The following DYNC2H1 variants were observed in gnomAD, a reference collection of about 807,000 sequenced individuals.
DYNC2H1 encodes the protein cytoplasmic dynein 2 heavy chain 1.
In DYNC2H1, 410 loss-of-function variants were observed where a neutral mutation model predicts 570.0. The ratio of observed to expected loss-of-function variants is 0.72; its 90% CI spans 0.66 to 0.78. DYNC2H1 has a LOEUF of 0.78. Ranked by LOEUF, DYNC2H1 falls within the 30% of genes least tolerant of loss-of-function variation. The pLI is 0.00. For missense variants in DYNC2H1, 4,865 were observed against 5,046.4 expected (o/e 0.96, Z 1.09); for synonymous variants, 1,688 against 1,677.6 (o/e 1.01, Z -0.15).
intron 84 of DYNC2H1, among the ~76,000 whole-genome samples, chr11:103,433,548 G>A (rs896251002): frequency 4.6e-5 from 7 of 152,072 alleles, no homozygotes; most frequent in African/African-American, 1.7e-4. Flanking sequence ...TTACTCATGG[G>A]CTAGCTGTTA....
At chr11:103,476,198 A>G (rs1945541232) in intron 88 of DYNC2H1, among the ~76,000 whole-genome samples, 1 of 152,200 alleles carries the variant, frequency 6.6e-6, no homozygotes, top group South Asian at 2.1e-4. Context: ...GAGGGAAGAG[A>G]TTAGTCAGTG....
In DYNC2H1 at chr11:103,117,666, G is replaced by A; in HGVS notation, c.802G>A (p.Gly268Arg). The A allele has an allele frequency of 1.2e-6, 2 of 1,606,272 alleles. No individual in the cohort carries two copies. The highest frequency in any genetic ancestry group is 1.7e-6 in the Non-Finnish European group (2 of 1,175,638). ...TGGAAGGTTTGTTCAGAAAAAGTTGGGAACTTTGAACCTGTGGGAAGATCC... is the reference window on the plus strand; with the variant it reads ...TGGAAGGTTTGTTCAGAAAAAGTTGAGAACTTTGAACCTGTGGGAAGATCC... The part of the protein sequence containing the change: ...SFGRFVQKKL[G>R]TLNLWEDPYY... Residue 268 changes from glycine (G) to arginine (R), a missense_variant, in exon 6 of 89, where the codon GGA becomes AGA. Gly to Arg is a moderately radical substitution (Grantham distance 125). Around this residue, in one of 5 missense-constraint regions of DYNC2H1, gnomAD observed 1,936 missense variants for 1,962.1 expected, o/e 0.99. Transcript: ENST00000375735.
intron 84 of DYNC2H1, among the ~76,000 whole-genome samples, chr11:103,413,911 C>A (rs1225126538): frequency 6.6e-6 from 1 of 152,160 alleles, no homozygotes; most frequent in Non-Finnish European, 1.5e-5. Context: ...GAGATTTTAA[C>A]TTCCAGAGCT....
chr11:103,427,362 A>T (rs967420879), intron 84 of DYNC2H1, among the ~76,000 whole-genome samples: 2 of 152,180 alleles, frequency 1.3e-5, no homozygotes, highest in African/African-American at 4.8e-5. Flanking sequence ...AATGTTACAG[A>T]TTATCATTTT....
intron 70 of DYNC2H1, among the ~76,000 whole-genome samples, chr11:103,265,156 A>G (rs1310251056): frequency 6.6e-6 from 1 of 152,154 alleles, no homozygotes; most frequent in African/African-American, 2.4e-5. Flanking sequence ...GTAGGAGTTG[A>G]ACAATAAGAA....
Position 103,124,268 on chromosome 11 carries a change from G to A in DYNC2H1, c.1662-832G>A, listed in dbSNP as rs114103050. 5.8e-3 allele frequency among the ~76,000 whole-genome samples: 887 copies of A among 151,758 alleles called. 7 individuals are homozygous for A. Among genetic ancestry groups the A allele is most frequent in the African/African-American group, 0.02 (829 of 41,346 alleles). On this transcript the variant is annotated intron_variant, in intron 11 of 88. Transcript: ENST00000375735. The stretch of plus-strand genomic sequence containing the variant: ...TTGAGACCAGCCTGAGCAACATGGC[G>A]AAATCCTGTCTCTACAAAAGACAAA...
At chr11:103,191,444 G>A in intron 45 of DYNC2H1, 73 bp from the exon 46 acceptor site, 1 of 1,179,388 alleles carries the variant, frequency 8.5e-7, no homozygotes, top group Non-Finnish European at 1.2e-6. Flanking sequence ...TGAGTCTAAG[G>A]AGACTGAAAA....
At chr11:103,385,544 C>G (rs1591661076) in intron 83 of DYNC2H1, among the ~76,000 whole-genome samples, 1 of 152,080 alleles carries the variant, frequency 6.6e-6, no homozygotes, top group African/African-American at 2.4e-5. Context: ...GTTTATTGGT[C>G]TGATCAGAAA....
Position 103,116,690 on chromosome 11 carries a change from A to G in DYNC2H1, c.742A>G (p.Met248Val), listed in dbSNP as rs769610176. The change falls in exon 5 of 89, where the codon ATG (methionine) becomes GTG (valine). Residue 248 changes from methionine (M) to valine (V), a missense_variant. Met to Val is a conservative substitution (Grantham distance 21). This residue lies in a region of DYNC2H1 where 1,936 missense variants were observed against 1,962.1 expected (regional missense o/e 0.99). Coordinates refer to ENST00000375735, the MANE Select transcript of DYNC2H1 (RefSeq NM_001377.3). Reference protein sequence around the residue: ...TEHDHYPESRMLHLLDIIGGS... With the variant: ...TEHDHYPESRVLHLLDIIGGS... ...ACATGATCATTATCCTGAGTCACGA[A>G]TGTTGCATCTCTTAGACATCATAGG... 1.2e-6 allele frequency: 2 copies of G among 1,603,754 alleles called. No individual in the cohort carries two copies. Among genetic ancestry groups the G allele is most frequent in the African/African-American group, 1.3e-5 (1 of 74,700 alleles).
intron 87 of DYNC2H1, among the ~76,000 whole-genome samples, chr11:103,459,005 C>G (rs563306360): frequency 4.0e-5 from 6 of 151,654 alleles, no homozygotes; most frequent in East Asian, 4.0e-4. Flanking sequence ...TAACTTTATA[C>G]AACTAACTTA....
intron 25 of DYNC2H1, among the ~76,000 whole-genome samples, chr11:103,155,844 A>T (rs532172954): frequency 1.3e-5 from 2 of 152,236 alleles, no homozygotes; most frequent in South Asian, 4.2e-4. Context: ...AGGACTCTTG[A>T]TATCAAATTG....
chr11:103,117,894 T>C, intron 6 of DYNC2H1, 31 bp downstream of exon 6: 3 of 1,545,172 alleles, frequency 1.9e-6, no homozygotes, highest in Non-Finnish European at 2.6e-6. Context: ...ATCTTTGTCT[T>C]TAAATGTAAA....
In DYNC2H1 at chr11:103,168,909, ATGT is replaced by A. The variant is rs1323690605; in HGVS notation, c.4921_4923del (p.Cys1641del). 6.2e-7 allele frequency: 1 copy of A among 1,612,810 alleles called. No individual in the cohort carries two copies. The highest frequency in any genetic ancestry group is 8.5e-7 in the Non-Finnish European group (1 of 1,179,400). On this transcript the variant is annotated inframe_deletion, in exon 32 of 89. Transcript: ENST00000375735. ...GATTCTATATGAAAAGTGATCATAC[ATGT>A]TGTGTTCAAATGGTGGATTCTGAAT...
Position 103,234,118 on chromosome 11 carries a change from A to C in DYNC2H1, c.9525A>C (p.Leu3175Phe). ...AAACAATCAAAGCTGCAGAAGTCTTAATTAATCAGCTTGACAGAGAACATA... is the reference window on the plus strand; with the variant it reads ...AAACAATCAAAGCTGCAGAAGTCTTCATTAATCAGCTTGACAGAGAACATA... ...AQETIKAAEV[L>F]INQLDREHKR... Residue 3175 changes from leucine to phenylalanine, a missense_variant, in exon 61 of 89, where the codon TTA (leucine) becomes TTC (phenylalanine). By Grantham distance (22) the Leu-to-Phe change is conservative. Around this residue, in one of 5 missense-constraint regions of DYNC2H1, gnomAD observed 2,401 missense variants for 2,454.6 expected, o/e 0.98. Transcript: ENST00000375735. 1 of 1,578,184 alleles carries C rather than the reference A, an allele frequency of 6.3e-7. No individual in the cohort carries two copies. Among genetic ancestry groups the C allele is most frequent in the Non-Finnish European group, 8.6e-7 (1 of 1,160,708 alleles).
rs1357026907 is a variant in DYNC2H1 at position 103,369,722 on chromosome 11, A to G, written c.12156+11363A>G. On this transcript the variant is annotated intron_variant, in intron 83 of 88. Transcript: ENST00000375735. This position sits in a 1 kb window ranked among gnomAD's most constrained non-coding sequence, Gnocchi z 4.0. Reference sequence around the variant, plus strand: ...GTAGACACTCACTGCATCAGAAAGCAACCTGCTGCCTTGAAGGGAAGTACC... The same window carrying G: ...GTAGACACTCACTGCATCAGAAAGCGACCTGCTGCCTTGAAGGGAAGTACC... 6.6e-6 allele frequency among the ~76,000 whole-genome samples: 1 copy of G among 152,152 alleles called. No individual in the cohort carries two copies. The highest frequency in any genetic ancestry group is 1.5e-5 in the Non-Finnish European group (1 of 68,014).
At chr11:103,233,965 C>A in intron 60 of DYNC2H1, 69 bp from the exon 61 acceptor site, 1 of 1,412,208 alleles carries the variant, frequency 7.1e-7, no homozygotes, top group Non-Finnish European at 9.4e-7. Flanking sequence ...ACTTTATTAC[C>A]TATGGATAAT....
chr11:103,283,909 T>C (rs1464133818), intron 73 of DYNC2H1, among the ~76,000 whole-genome samples: 1 of 152,166 alleles, frequency 6.6e-6, no homozygotes, highest in African/African-American at 2.4e-5. Flanking sequence ...ATTTGGTGCT[T>C]ACTACCAGTT....
At position 103,154,790 on chromosome 11, in the gene DYNC2H1, C is replaced by T; in HGVS notation, c.3554C>T (p.Ser1185Leu). Reference protein sequence around the residue: ...EHSVMTVKLQSEVDKYKIVIP... With the variant: ...EHSVMTVKLQLEVDKYKIVIP... Reference sequence around the variant, plus strand: ...TCAGTGATGACAGTGAAATTACAATCAGAGGTTGACAAATATAAAGTAAGA... The same window carrying T: ...TCAGTGATGACAGTGAAATTACAATTAGAGGTTGACAAATATAAAGTAAGA... Residue 1185 changes from serine to leucine, a missense_variant, in exon 24 of 89, where the codon TCA (serine) becomes TTA (leucine). Physicochemically the swap from Ser to Leu is moderately radical, Grantham distance 145. Around this residue, in one of 5 missense-constraint regions of DYNC2H1, gnomAD observed 1,936 missense variants for 1,962.1 expected, o/e 0.99. Coordinates refer to ENST00000375735, the MANE Select transcript of DYNC2H1 (RefSeq NM_001377.3). The T allele has an allele frequency of 6.5e-7, 1 of 1,546,720 alleles. No homozygotes were observed. The highest frequency in any genetic ancestry group is 8.7e-7 in the Non-Finnish European group (1 of 1,146,704).
intron 43 of DYNC2H1, 76 bp from the exon 44 acceptor site, chr11:103,188,421 T>G: frequency 1.7e-6 from 2 of 1,183,782 alleles, no homozygotes; most frequent in Non-Finnish European, 2.3e-6. Flanking sequence ...TAATTGAAAC[T>G]TAGGCAAAAA....
Sources: gnomAD v4.1 joint callset for allele counts (sites outside exome capture counted in the v4.1 genomes callset) on GRCh38, gnomAD v4.1.1 for gene constraint, gnomAD v4.1.1 regional missense constraint, Gnocchi (gnomAD v3.1) non-coding constraint, MANE v1.5 for transcripts, NCBI Gene and HGNC (gene_info 2026-07-23, HGNC 2026-07-21) for gene names.